Variants in PHF2 observed in about 807,000 individuals in gnomAD.
The protein encoded by PHF2 is PHD finger protein 2.
Under a neutral mutation model 120.5 loss-of-function variants are expected in PHF2, and 27 were observed. That is an observed-to-expected ratio of 0.22 (90% CI 0.17 to 0.31). The LOEUF (loss-of-function observed/expected upper bound fraction) is 0.31. PHF2 is among the 10% of genes least tolerant of loss of function. The probability of loss-of-function intolerance (pLI) is 1.00; values close to 1 mark genes in which losing one functional copy is unlikely to be tolerated. For missense variants in PHF2, 1,024 were observed against 1,434.8 expected (o/e 0.71, Z 4.63); for synonymous variants, 568 against 592.5 (o/e 0.96, Z 0.60).
At chr9:93,647,967 A>G (rs1826290635) in intron 4 of PHF2, among the ~76,000 whole-genome samples, 1 of 152,250 alleles carries the variant, frequency 6.6e-6, no homozygotes, top group Admixed American at 6.5e-5. Flanking sequence ...CAATTTAAAA[A>G]ATATATAATC....
At chr9:93,584,033 G>A (rs1711740952) in intron 1 of PHF2, among the ~76,000 whole-genome samples, 1 of 152,010 alleles carries the variant, frequency 6.6e-6, no homozygotes, top group African/African-American at 2.4e-5. Context: ...TCTCCATGTT[G>A]GTCAGGCTGG....
At chr9:93,602,636 T>C (rs1435808566) in intron 1 of PHF2, among the ~76,000 whole-genome samples, 4 of 152,072 alleles carry the variant, frequency 2.6e-5, no homozygotes, top group Non-Finnish European at 5.9e-5. Flanking sequence ...ATTTTTTTTT[T>C]CCCAGCAAGC....
intron 3 of PHF2, among the ~76,000 whole-genome samples, chr9:93,639,654 A>G (rs1826145587): frequency 6.6e-6 from 1 of 152,140 alleles, no homozygotes; most frequent in South Asian, 2.1e-4. Context: ...CCCCCTCAGC[A>G]CTATCAGCAT....
At chr9:93,643,411 A>G (rs1356758428) in intron 3 of PHF2, among the ~76,000 whole-genome samples, 4 of 152,108 alleles carry the variant, frequency 2.6e-5, no homozygotes, top group Non-Finnish European at 4.4e-5. Context: ...CATGGTCTGT[A>G]TGCCTCGAGC....
rs775088081 is a variant in PHF2, at chr9:93,677,557, C to A, written c.3203-31C>A. The A allele has an allele frequency of 6.3e-7, 1 of 1,585,270 alleles. No homozygotes were observed. On this transcript the variant is annotated intron_variant, in intron 21 of 21. Transcript: ENST00000359246. The surrounding 1 kb of genome is among the most constrained non-coding windows in gnomAD (Gnocchi z 4.4). ...GCCCCTTGCCATCTAGCTTACCTTC[C>A]CTTTTTGTGTCCCCTCCCCGACTCC...
chr9:93,647,782 G>C (rs1026855975), intron 4 of PHF2, among the ~76,000 whole-genome samples: 1 of 152,052 alleles, frequency 6.6e-6, no homozygotes, highest in Non-Finnish European at 1.5e-5. Context: ...CCAGCTCCTC[G>C]GGAGGCTGAG....
intron 17 of PHF2, among the ~76,000 whole-genome samples, chr9:93,673,001 G>A (rs907014338): frequency 2.6e-5 from 4 of 151,718 alleles, no homozygotes; most frequent in Non-Finnish European, 5.9e-5. Context: ...TGTAGGTGCA[G>A]ATGCAGGTGT....
intron 1 of PHF2, among the ~76,000 whole-genome samples, chr9:93,615,369 A>T (rs950303711): frequency 6.6e-6 from 1 of 151,788 alleles, no homozygotes; most frequent in Admixed American, 6.6e-5. Context: ...GATGATGGTG[A>T]TAGTAATGAT....
rs1279175611 is a variant in PHF2 at position 93,656,479 on chromosome 9, T to C, written c.1041-10T>C. 2 of 1,594,180 alleles carry C rather than the reference T, an allele frequency of 1.3e-6. No homozygotes were observed. Among genetic ancestry groups the C allele is most frequent in the Non-Finnish European group, 8.6e-7 (1 of 1,162,234 alleles). On this transcript the variant is annotated splice_polypyrimidine_tract_variant and intron_variant, in intron 8 of 21. Transcript: ENST00000359246. The surrounding 1 kb of genome is among the most constrained non-coding windows in gnomAD (Gnocchi z 4.1). The stretch of plus-strand genomic sequence containing the variant: ...CAGTGCACTGAGAACTGCTCTTTGG[T>C]GGCTTCTAGAGCATATGAAGTGGAA...
At chr9:93,674,687 GC>G (rs1396631199) in intron 18 of PHF2, among the ~76,000 whole-genome samples, 1 of 152,146 alleles carries the variant, frequency 6.6e-6, no homozygotes, top group Non-Finnish European at 1.5e-5. Context: ...AGATGCAGGT[GC>G]CTTCTTGTCT....
intron 17 of PHF2, among the ~76,000 whole-genome samples, chr9:93,668,227 C>A (rs561095373): frequency 6.6e-6 from 1 of 152,168 alleles, no homozygotes; most frequent in African/African-American, 2.4e-5. Flanking sequence ...GCTTCCATAG[C>A]GCCTTAGGGG....
intron 2 of PHF2, among the ~76,000 whole-genome samples, chr9:93,634,337 G>A (rs1826055942): frequency 6.6e-6 from 1 of 152,112 alleles, no homozygotes; most frequent in African/African-American, 2.4e-5. Context: ...GGCTGTCACT[G>A]GGGGTGTCTT....
chr9:93,616,616 G>C (rs1024708909), intron 1 of PHF2, among the ~76,000 whole-genome samples: 3 of 151,278 alleles, frequency 2.0e-5, no homozygotes, highest in Non-Finnish European at 2.9e-5. Flanking sequence ...AGTGAAAGAG[G>C]CCACTTCTTT....
intron 1 of PHF2, among the ~76,000 whole-genome samples, chr9:93,619,569 T>TG (rs1234259258): frequency 6.6e-6 from 1 of 151,978 alleles, no homozygotes; most frequent in Admixed American, 6.6e-5. Flanking sequence ...TGGTAGCCCC[T>TG]GGTGGCCTGT....
At chr9:93,586,321 C>T (rs764783301) in intron 1 of PHF2, among the ~76,000 whole-genome samples, 7 of 152,240 alleles carry the variant, frequency 4.6e-5, no homozygotes, top group Non-Finnish European at 8.8e-5. Flanking sequence ...GGCACTGTGG[C>T]GACCACTGCC....
At chr9:93,618,705 C>T (rs1825766929) in intron 1 of PHF2, among the ~76,000 whole-genome samples, 1 of 151,974 alleles carries the variant, frequency 6.6e-6, no homozygotes, top group South Asian at 2.1e-4. Context: ...GCATCCTGGT[C>T]ACACAGCACT....
intron 1 of PHF2, among the ~76,000 whole-genome samples, chr9:93,608,347 G>C (rs1179363753): frequency 1.7e-4 from 25 of 143,356 alleles, no homozygotes; most frequent in Admixed American, 1.7e-3. Flanking sequence ...TATTATTTTT[G>C]TACATCGTTG....
intron 3 of PHF2, among the ~76,000 whole-genome samples, chr9:93,642,752 T>C (rs1826190585): frequency 6.6e-6 from 1 of 152,222 alleles, no homozygotes; most frequent in Non-Finnish European, 1.5e-5. Flanking sequence ...ACATGTCAAT[T>C]CTGAAAAATA....
chr9:93,667,299 C>T, intron 17 of PHF2, 59 bp downstream of exon 17: 1 of 1,558,608 alleles, frequency 6.4e-7, no homozygotes, highest in Non-Finnish European at 8.7e-7. Context: ...CAGGGCTGGC[C>T]CTCGGCCATG....
Sources: allele counts gnomAD v4.1 joint callset (sites outside exome capture counted in the v4.1 genomes callset), GRCh38; gene constraint gnomAD v4.1.1; non-coding constraint Gnocchi (gnomAD v3.1); transcripts MANE v1.5; gene names NCBI Gene and HGNC (gene_info 2026-07-23, HGNC 2026-07-21).